The following POMT2 variants were observed in gnomAD, a reference collection of about 807,000 sequenced individuals.
POMT2 encodes protein O-mannosyl-transferase 2.
Under a neutral mutation model 100.0 loss-of-function variants are expected in POMT2, and 75 were observed. The observed-to-expected ratio is 0.75, with a 90% CI of 0.62 to 0.91. POMT2 has a LOEUF of 0.91. Ranked by LOEUF, POMT2 falls within the 40% of genes least tolerant of loss-of-function variation. The probability of loss-of-function intolerance (pLI) is 0.00; values close to 1 mark genes in which losing one functional copy is unlikely to be tolerated. For missense variants in POMT2, 940 were observed against 955.1 expected (o/e 0.98, Z 0.21); for synonymous variants, 378 against 374.1 (o/e 1.01, Z -0.12).
intron 1 of POMT2, among the ~76,000 whole-genome samples, chr14:77,320,012 C>T (rs1891792332): frequency 6.6e-6 from 1 of 152,144 alleles, no homozygotes; most frequent in Admixed American, 6.6e-5. Context: ...TGTCCTTGCC[C>T]TATAGGATAA....
chr14:77,301,145 C>A lies in POMT2; in HGVS notation c.761G>T (p.Gly254Val). The A allele has an allele frequency of 6.2e-7, 1 of 1,614,192 alleles. No individual in the cohort carries two copies. The highest frequency in any genetic ancestry group is 1.6e-4 in the Middle Eastern group (1 of 6,062). ...CCAAAGGTCTGCAATGGTGTTCAGC[C>A]CCACTTGAAGGATGATAAAGAGGCC... ...FVGLFIILQV[G>V]LNTIADLWYL... The change falls in exon 6 of 21, where the codon GGG (glycine) becomes GTG (valine). Residue 254 changes from glycine (G) to valine (V), a missense_variant. Physicochemically the swap from Gly to Val is moderately radical, Grantham distance 109 (BLOSUM62 -3). Coordinates refer to ENST00000261534, the MANE Select transcript of POMT2 (RefSeq NM_013382.7).
chr14:77,314,870 T>A (rs1891572315), intron 1 of POMT2, among the ~76,000 whole-genome samples: 1 of 152,214 alleles, frequency 6.6e-6, no homozygotes, highest in Non-Finnish European at 1.5e-5. Context: ...TTGGGGGAGC[T>A]GTGTACTCAA....
intron 6 of POMT2, chr14:77,300,284 A>G (rs897273982): frequency 1.3e-5 from 2 of 155,940 alleles, no homozygotes; most frequent in Non-Finnish European, 2.8e-5. Context: ...TGTGACTCCT[A>G]GATACACCTC....
chr14:77,303,856 G>C (rs1891139116), intron 4 of POMT2, among the ~76,000 whole-genome samples: 1 of 152,180 alleles, frequency 6.6e-6, no homozygotes, highest in Admixed American at 6.5e-5. Flanking sequence ...CCCACGATGA[G>C]GTAAGCTCAA....
At chr14:77,291,652 TC>T (rs779121615) in intron 9 of POMT2, among the ~76,000 whole-genome samples, 16 of 152,240 alleles carry the variant, frequency 1.1e-4, no homozygotes, top group East Asian at 5.8e-4. Flanking sequence ...TCCTAAAAGT[TC>T]CATCCAGCCT....
intron 2 of POMT2, among the ~76,000 whole-genome samples, chr14:77,311,196 A>G (rs1192654855): frequency 6.6e-6 from 1 of 152,238 alleles, no homozygotes; most frequent in Non-Finnish European, 1.5e-5. Flanking sequence ...TAATGGTAAA[A>G]CATGTGAGAG....
chr14:77,300,185 A>C (rs1890969377), intron 6 of POMT2: 1 of 161,610 alleles, frequency 6.2e-6, no homozygotes, highest in African/African-American at 2.4e-5. Context: ...TAAATGAATG[A>C]ATGAATGAAT....
At chr14:77,286,269 TTTTA>T (rs1489449211) in intron 12 of POMT2, among the ~76,000 whole-genome samples, 1 of 152,230 alleles carries the variant, frequency 6.6e-6, no homozygotes, top group Non-Finnish European at 1.5e-5. Context: ...CTCATAGAGC[TTTTA>T]TTTATTAGCT....
chr14:77,295,500 C>T (rs1048917878), intron 9 of POMT2, among the ~76,000 whole-genome samples: 5 of 151,988 alleles, frequency 3.3e-5, no homozygotes, highest in South Asian at 2.1e-4. Flanking sequence ...GGCGTGGTGG[C>T]GGGTGCCTGT....
At chr14:77,310,448 T>C (rs1891397927) in intron 2 of POMT2, among the ~76,000 whole-genome samples, 1 of 152,222 alleles carries the variant, frequency 6.6e-6, no homozygotes, top group Non-Finnish European at 1.5e-5. Context: ...TTAATTGTTC[T>C]TGTTATTGTT....
intron 2 of POMT2, among the ~76,000 whole-genome samples, chr14:77,311,465 T>C (rs1009330476): frequency 6.6e-5 from 10 of 152,192 alleles, no homozygotes; most frequent in African/African-American, 2.2e-4. Flanking sequence ...CCATAAAGAA[T>C]CCCCACACCC....
intron 13 of POMT2, 32 bp downstream of exon 13, chr14:77,285,449 T>C (rs1184534821): frequency 6.2e-7 from 1 of 1,613,736 alleles, no homozygotes; most frequent in Admixed American, 1.7e-5. Flanking sequence ...ATCAGGACCC[T>C]CGATTGGGAC....
At position 77,285,461 on chromosome 14, in the gene POMT2, G is replaced by A. The variant is rs1301609825; in HGVS notation, c.1484+20C>T. On this transcript the variant is annotated intron_variant, in intron 13 of 20. Coordinates refer to ENST00000261534, the MANE Select transcript of POMT2 (RefSeq NM_013382.7). ...AAAATCAGGACCCTCGATTGGGACA[G>A]CAAAACCCTAGAGACTTACCACTTG... is the stretch of plus-strand genomic sequence containing the variant. 6.2e-7 allele frequency: 1 copy of A among 1,614,042 alleles called. No homozygotes were observed. Among genetic ancestry groups the A allele is most frequent in the Non-Finnish European group, 8.5e-7 (1 of 1,179,974 alleles).
At chr14:77,277,915 C>T (rs1490771115) in intron 20 of POMT2, among the ~76,000 whole-genome samples, 1 of 152,140 alleles carries the variant, frequency 6.6e-6, no homozygotes, top group East Asian at 1.9e-4. Context: ...CCTTCCCACC[C>T]CACCCGTCGA....
At chr14:77,308,603 G>A (rs927423803) in intron 2 of POMT2, 110 of 296,314 alleles carry the variant, frequency 3.7e-4, no homozygotes, top group African/African-American at 2.2e-3. Context: ...TGATCCGCCC[G>A]CCTCGGCTTC....
Position 77,320,650 on chromosome 14 carries a change from T to C in POMT2, c.32A>G (p.Glu11Gly). The C allele has an allele frequency of 6.3e-7, 1 of 1,593,886 alleles. No homozygotes were observed. The highest frequency in any genetic ancestry group is 8.5e-7 in the Non-Finnish European group (1 of 1,178,158). MPPATGGGLAESELRPRRGRC... is the reference protein window; with the variant it reads MPPATGGGLAGSELRPRRGRC... ...GCCCCTCCGGGGACGCAGCTCGGAC[T>C]CTGCCAGGCCTCCGCCCGTGGCCGG... The change falls in exon 1 of 21, where the codon GAG (glutamate) becomes GGG (glycine). Residue 11 changes from glutamate (E) to glycine (G), a missense_variant. Coordinates refer to ENST00000261534, the MANE Select transcript of POMT2 (RefSeq NM_013382.7).
intron 16 of POMT2, 131 bp from the exon 17 acceptor site, chr14:77,280,211 C>A (rs541505091): frequency 1.9e-6 from 3 of 1,571,824 alleles, no homozygotes; most frequent in Non-Finnish European, 2.6e-6. Context: ...AAATTCTACA[C>A]GAGCTCTCTG....
At chr14:77,300,782 T>A in intron 6 of POMT2, 2 of 339,858 alleles carry the variant, frequency 5.9e-6, no homozygotes, top group Non-Finnish European at 5.6e-6. Flanking sequence ...ATCGGCCCAC[T>A]GCACTCCAGC....
At chr14:77,283,724 T>C (rs1890310561) in intron 15 of POMT2, 73 bp downstream of exon 15, 2 of 1,292,898 alleles carry the variant, frequency 1.5e-6, no homozygotes, top group Non-Finnish European at 2.3e-6. Context: ...TAGCATGGCA[T>C]TGACTTGTGA....
Sources: gnomAD v4.1 joint callset for allele counts (sites outside exome capture counted in the v4.1 genomes callset) on GRCh38, gnomAD v4.1.1 for gene constraint, MANE v1.5 for transcripts, NCBI Gene and HGNC (gene_info 2026-07-23, HGNC 2026-07-21) for gene names.